The following YARS1 variants were observed in gnomAD, a reference collection of about 807,000 sequenced individuals.
YARS1 encodes tyrosine--tRNA ligase, cytoplasmic.
Under a neutral mutation model 62.2 loss-of-function variants are expected in YARS1, and 36 were observed. The ratio of observed to expected loss-of-function variants is 0.58; its 90% CI spans 0.44 to 0.76. YARS1 has a LOEUF of 0.76. Ranked by LOEUF, YARS1 falls within the 30% of genes least tolerant of loss-of-function variation. The pLI is 0.00. For synonymous variants in YARS1, 234 were observed against 244.9 expected, an observed-to-expected ratio of 0.96 and a Z score of 0.42; for missense variants, 524 against 639.8, an observed-to-expected ratio of 0.82 and a Z score of 1.95.
intron 1 of YARS1, among the ~76,000 whole-genome samples, chr1:32,816,108 CAAAAAA>C (rs71571726): frequency 5.5e-5 from 3 of 54,068 alleles, no homozygotes; most frequent in Admixed American, 2.0e-4. Flanking sequence ...GACTCCGCCT[CAAAAAA>C]AAAAAAAAAA....
chr1:32,812,860 C>G (rs1363023487), intron 1 of YARS1, among the ~76,000 whole-genome samples: 1 of 149,880 alleles, frequency 6.7e-6, no homozygotes, highest in South Asian at 2.2e-4. Flanking sequence ...CCCAGCTACT[C>G]GGGAGGCTGA....
intron 1 of YARS1, 49 bp downstream of exon 1, chr1:32,817,139 C>CCT (rs1444140122): frequency 6.2e-7 from 1 of 1,610,722 alleles, no homozygotes; most frequent in Admixed American, 1.7e-5. Flanking sequence ...AATCACTGAA[C>CCT]CTCGGGCTCC....
chr1:32,806,582 G>C lies in YARS1; in HGVS notation c.410C>G (p.Ser137Cys), dbSNP rs770608909. The change falls in exon 4 of 13, where the codon TCC (serine) becomes TGC (cysteine). Residue 137 changes from serine to cysteine, a missense_variant. Transcript: ENST00000373477. ...KEYTLDVYRLSSVVTQHDSKK... is the reference protein window; with the variant it reads ...KEYTLDVYRLCSVVTQHDSKK... Reference sequence around the variant, plus strand: ...GGAATCGTGCTGTGTGACCACGGAGGAGAGTCTGTACACATCTAGTGTGTA... The same window carrying C: ...GGAATCGTGCTGTGTGACCACGGAGCAGAGTCTGTACACATCTAGTGTGTA... The C allele has an allele frequency of 1.2e-6, 2 of 1,614,222 alleles. No individual in the cohort carries two copies. Among genetic ancestry groups the C allele is most frequent in the Non-Finnish European group, 1.7e-6 (2 of 1,180,042 alleles).
chr1:32,792,423 G>A (rs565328727), intron 5 of YARS1, among the ~76,000 whole-genome samples: 5 of 152,210 alleles, frequency 3.3e-5, no homozygotes, highest in African/African-American at 1.2e-4. Context: ...AACACAATCC[G>A]GAGGGTCTAC....
chr1:32,783,043 A>T (rs773594250), intron 8 of YARS1: 1 of 166,720 alleles, frequency 6.0e-6, no homozygotes, highest in African/African-American at 2.4e-5. Context: ...TTTTGTAGAG[A>T]CAGGGTCTTG....
rs762990940 is a variant in YARS1 at position 32,786,432 on chromosome 1, C to T, written c.836G>A (p.Arg279Gln). The change falls in exon 8 of 13, where the codon CGA becomes CAA. Residue 279 changes from arginine to glutamine, a missense_variant. Physicochemically the swap from Arg to Gln is conservative, Grantham distance 43. Transcript: ENST00000373477. The part of the protein sequence containing the change: ...FPLKSEFVIL[R>Q]DEKWGGNKTY... ...TTTGTTTCCACCCCATTTCTCATCT[C>T]GTAGGATCACAAACTCTATAAGGAA... 17 of 1,613,700 alleles carry T rather than the reference C, an allele frequency of 1.1e-5. No homozygotes were observed. The African/African-American group carries it at 1.5e-4, about 14-fold the overall frequency.
intron 8 of YARS1, chr1:32,782,867 G>C (rs1487505811): frequency 2.9e-6 from 1 of 344,146 alleles, no homozygotes; most frequent in African/African-American, 2.1e-5. Context: ...CATTCACATA[G>C]GTAACCCAAG....
chr1:32,805,622 A>AT (rs1638444307), intron 4 of YARS1, among the ~76,000 whole-genome samples: 1 of 152,074 alleles, frequency 6.6e-6, no homozygotes, highest in Non-Finnish European at 1.5e-5. Context: ...CGCTTTTGAC[A>AT]TTCCTTCTTC....
At chr1:32,777,187 G>A (rs12027991) in intron 12 of YARS1, among the ~76,000 whole-genome samples, 20,771 of 151,840 alleles carry the variant, frequency 0.14, 1,771 homozygotes, top group South Asian at 0.23. Flanking sequence ...ACGCCACTGT[G>A]CCTGGCTAAT....
intron 4 of YARS1, among the ~76,000 whole-genome samples, chr1:32,798,629 G>T (rs1238299215): frequency 6.6e-6 from 1 of 152,054 alleles, no homozygotes; most frequent in African/African-American, 2.4e-5. Context: ...TTGAGCCCGG[G>T]TGTCTCTCCA....
In YARS1 at chr1:32,775,673, T is replaced by C. The variant is rs370883906; in HGVS notation, c.*308A>G. 2 of 414,254 alleles carry C rather than the reference T, an allele frequency of 4.8e-6. No homozygotes were observed. The highest frequency in any genetic ancestry group is 4.5e-6 in the Non-Finnish European group (1 of 224,536). The allele number at this position is 414,254 out of a possible 1,614,324, so 25.7% of individuals were successfully genotyped here. A position where few individuals can be genotyped will look rare whatever the true frequency, so the allele number is the denominator to read the frequency against. On this transcript the variant is annotated 3_prime_UTR_variant, in exon 13 of 13. Coordinates refer to ENST00000373477, the MANE Select transcript of YARS1 (RefSeq NM_003680.4). ...CCAGTATTTTTCCAATTATAAGGAC[T>C]GTGGCATAAATTTTTAAATGAGTTA...
chr1:32,780,583 T>C (rs938097598), intron 10 of YARS1: 12 of 470,382 alleles, frequency 2.6e-5, no homozygotes, highest in Middle Eastern at 6.0e-4. Flanking sequence ...GTTTTGGTGG[T>C]TGGGGTACAC....
intron 9 of YARS1, 97 bp downstream of exon 9, chr1:32,782,306 TG>T: frequency 1.3e-6 from 2 of 1,596,890 alleles, no homozygotes; most frequent in Non-Finnish European, 1.7e-6. Flanking sequence ...TCAGACCCCC[TG>T]GGTTGTTGTG....
At chr1:32,789,414 C>A (rs1440806237) in intron 6 of YARS1, among the ~76,000 whole-genome samples, 3 of 152,140 alleles carry the variant, frequency 2.0e-5, no homozygotes, top group Non-Finnish European at 4.4e-5. Context: ...TTATCTACAG[C>A]CATTTTTCCT....
intron 3 of YARS1, among the ~76,000 whole-genome samples, chr1:32,809,648 AT>A (rs1463944853): frequency 6.6e-6 from 1 of 152,222 alleles, no homozygotes; most frequent in African/African-American, 2.4e-5. Context: ...CTGGGTTCAC[AT>A]CCTGACTCAT....
At chr1:32,779,289 C>T (rs748845429) in intron 12 of YARS1, 93 bp downstream of exon 12, 1 of 1,604,690 alleles carries the variant, frequency 6.2e-7, no homozygotes, top group Non-Finnish European at 8.5e-7. Flanking sequence ...GAAGTCCCAA[C>T]AGAGAGGGGC....
intron 12 of YARS1, among the ~76,000 whole-genome samples, chr1:32,778,608 T>C (rs1276639630): frequency 2.0e-5 from 3 of 151,684 alleles, no homozygotes; most frequent in South Asian, 2.1e-4. Context: ...GGGGTTTTAC[T>C]GTGTTAGCCA....
chr1:32,780,740 G>A (rs1653025337), intron 10 of YARS1: 1 of 460,844 alleles, frequency 2.2e-6, no homozygotes, highest in Non-Finnish European at 4.0e-6. Context: ...CCAAGATAAG[G>A]CCTGTAGCTA....
intron 4 of YARS1, 29 bp from the exon 5 acceptor site, chr1:32,797,872 A>T: frequency 6.3e-7 from 1 of 1,588,648 alleles, no homozygotes; most frequent in Non-Finnish European, 8.6e-7. Flanking sequence ...GAACATAAAC[A>T]TCTACTTTAT....
Sources: gnomAD v4.1 joint callset for allele counts (sites outside exome capture counted in the v4.1 genomes callset) on GRCh38, gnomAD v4.1.1 for gene constraint, MANE v1.5 for transcripts, NCBI Gene and HGNC (gene_info 2026-07-23, HGNC 2026-07-21) for gene names.